The following ELMO1 variants were observed in gnomAD, a reference collection of about 807,000 sequenced individuals.
ELMO1 encodes the protein engulfment and cell motility protein 1.
ELMO1 carries 26 observed loss-of-function variants against 98.9 expected under a neutral mutation model. The ratio of observed to expected loss-of-function variants is 0.26; its 90% confidence interval spans 0.19 to 0.36. The LOEUF (loss-of-function observed/expected upper bound fraction) is 0.36. Ranked by LOEUF, ELMO1 falls within the 10% of genes least tolerant of loss-of-function variation. The probability of loss-of-function intolerance (pLI) is 1.00; values close to 1 mark genes in which losing one functional copy is unlikely to be tolerated. For synonymous variants in ELMO1, 346 were observed against 346.0 expected (o/e 1.00, Z 0.00); for missense variants, 627 against 935.2 (o/e 0.67, Z 4.30).
At chr7:37,446,568 A>G (rs1452022862) in intron 1 of ELMO1, among the ~76,000 whole-genome samples, 1 of 152,202 alleles carries the variant, frequency 6.6e-6, no homozygotes, top group Non-Finnish European at 1.5e-5. Flanking sequence ...GAACTCAGTG[A>G]AAAAGAAGAA....
At chr7:37,133,939 A>G (rs996920248) in intron 13 of ELMO1, among the ~76,000 whole-genome samples, 6 of 152,128 alleles carry the variant, frequency 3.9e-5, no homozygotes, top group Non-Finnish European at 7.3e-5. Flanking sequence ...AAACAATCCA[A>G]TTTAAAAGTG....
intron 1 of ELMO1, among the ~76,000 whole-genome samples, chr7:37,403,679 G>A (rs542199137): frequency 1.3e-5 from 2 of 151,936 alleles, no homozygotes; most frequent in Admixed American, 6.6e-5. Flanking sequence ...AGAGTAGCTC[G>A]GACTACAGGC....
intron 16 of ELMO1, among the ~76,000 whole-genome samples, chr7:36,937,500 A>C (rs988848733): frequency 6.6e-6 from 1 of 152,232 alleles, no homozygotes; most frequent in African/African-American, 2.4e-5. Flanking sequence ...ATAGCCTCCA[A>C]AACTATGAGA....
intron 13 of ELMO1, among the ~76,000 whole-genome samples, chr7:37,179,235 G>A (rs1790689615): frequency 6.6e-6 from 1 of 151,408 alleles, no homozygotes; most frequent in Non-Finnish European, 1.5e-5. Context: ...TGTTCATGTG[G>A]CTTAAAAGTA....
chr7:37,362,813 A>T (rs184772386), intron 1 of ELMO1, among the ~76,000 whole-genome samples: 136 of 152,242 alleles, frequency 8.9e-4, no homozygotes, highest in African/African-American at 3.0e-3. Context: ...TGAGCACTCT[A>T]GGGGACTGCA....
At chr7:37,360,336 A>T (rs2131324552) in intron 1 of ELMO1, among the ~76,000 whole-genome samples, 1 of 152,272 alleles carries the variant, frequency 6.6e-6, no homozygotes, top group African/African-American at 2.4e-5. Context: ...AAAGAACCTA[A>T]ATAGCAAATC....
intron 15 of ELMO1, among the ~76,000 whole-genome samples, chr7:37,049,487 G>A (rs1023667090): frequency 3.3e-5 from 5 of 152,116 alleles, no homozygotes; most frequent in Non-Finnish European, 7.4e-5. Context: ...AATGTGAAAG[G>A]TGCAGAGCTG....
chr7:36,916,561 T>C (rs1784705561), intron 16 of ELMO1, among the ~76,000 whole-genome samples: 1 of 152,252 alleles, frequency 6.6e-6, no homozygotes, highest in African/African-American at 2.4e-5. Flanking sequence ...AAGACAGTGC[T>C]TCCAAGCTCC....
intron 9 of ELMO1, among the ~76,000 whole-genome samples, chr7:37,224,615 T>C (rs1793766758): frequency 6.6e-6 from 1 of 152,164 alleles, no homozygotes; most frequent in Non-Finnish European, 1.5e-5. Context: ...TATCTACCAA[T>C]ATCCATTAAA....
chr7:37,375,819 A>G, intron 1 of ELMO1: 1 of 818,364 alleles, frequency 1.2e-6, no homozygotes, highest in South Asian at 1.4e-5. Flanking sequence ...GCAGCCGTCC[A>G]GAGACTGGCA....
At chr7:36,940,875 A>G (rs1372071508) in intron 16 of ELMO1, among the ~76,000 whole-genome samples, 1 of 152,238 alleles carries the variant, frequency 6.6e-6, no homozygotes, top group Non-Finnish European at 1.5e-5. Context: ...TAACAGCGAC[A>G]GTTATAAAGG....
At chr7:37,233,569 T>C (rs1794302226) in intron 7 of ELMO1, among the ~76,000 whole-genome samples, 1 of 152,214 alleles carries the variant, frequency 6.6e-6, no homozygotes, top group Non-Finnish European at 1.5e-5. Flanking sequence ...CTTAATAAAG[T>C]ATGTAGCATA....
chr7:37,323,846 C>T lies in ELMO1; in HGVS notation c.79-7886G>A, dbSNP rs140507167. Among the ~76,000 whole-genome samples, 12 of 152,276 alleles carry T rather than the reference C, an allele frequency of 7.9e-5. No individual in the cohort carries two copies. In the East Asian group the frequency reaches 1.2e-3, roughly 15 times the overall value. ...GTTTAGTCCTGCATAACCCATTATG[C>T]GGATCCATGGATCACAAGGATGCCC... On this transcript the variant is annotated intron_variant, in intron 2 of 21. Transcript: ENST00000310758.
intron 13 of ELMO1, among the ~76,000 whole-genome samples, chr7:37,154,192 CCA>C (rs761010832): frequency 1.8e-4 from 27 of 152,304 alleles, no homozygotes; most frequent in Admixed American, 6.5e-4. Flanking sequence ...TTAGATAAAA[CCA>C]CAAAGATGGG....
intron 16 of ELMO1, among the ~76,000 whole-genome samples, chr7:36,973,488 AAACAAG>A (rs1562868792): frequency 2.0e-5 from 3 of 152,222 alleles, no homozygotes; most frequent in African/African-American, 4.8e-5. Context: ...CATGAGAAGG[AAACAAG>A]TTCCAGTCCA....
At position 37,137,366 on chromosome 7, in the gene ELMO1, A is replaced by G. The variant is rs1211446642; in HGVS notation, c.1087-4132T>C. 2.6e-5 allele frequency among the ~76,000 whole-genome samples: 4 copies of G among 152,190 alleles called. No individual in the cohort carries two copies. The South Asian group carries it at 8.3e-4, about 32-fold the overall frequency. Reference sequence around the variant, plus strand: ...CACTGACAGCACTAGAAAGGTCATCAAGACAGAAAGTCAACAAAGAAACAA... The same window carrying G: ...CACTGACAGCACTAGAAAGGTCATCGAGACAGAAAGTCAACAAAGAAACAA... On this transcript the variant is annotated intron_variant, in intron 13 of 21. Coordinates refer to ENST00000310758, the MANE Select transcript of ELMO1 (RefSeq NM_014800.11).
chr7:37,121,800 G>T (rs564504953), intron 14 of ELMO1, among the ~76,000 whole-genome samples: 1 of 152,218 alleles, frequency 6.6e-6, no homozygotes, highest in Admixed American at 6.5e-5. Flanking sequence ...TCCTCGAGAA[G>T]AGCAACTCCA....
chr7:37,248,397 C>A (rs1424106786), intron 6 of ELMO1, among the ~76,000 whole-genome samples: 1 of 151,864 alleles, frequency 6.6e-6, no homozygotes, highest in Non-Finnish European at 1.5e-5. Context: ...ATTTCCATTA[C>A]CAGAGTGAAG....
At chr7:37,015,568 T>G (rs935921235) in intron 15 of ELMO1, among the ~76,000 whole-genome samples, 2 of 151,942 alleles carry the variant, frequency 1.3e-5, no homozygotes, top group African/African-American at 4.8e-5. Flanking sequence ...ACCACCGCAC[T>G]CCAGCCTGGG....
Sources: gnomAD v4.1 joint callset for allele counts (sites outside exome capture counted in the v4.1 genomes callset) on GRCh38, gnomAD v4.1.1 for gene constraint, MANE v1.5 for transcripts, NCBI Gene and HGNC (gene_info 2026-07-23, HGNC 2026-07-21) for gene names.